ZBTB43: variants seen among roughly 807,000 people sequenced by gnomAD.
ZBTB43 encodes the protein zinc finger and BTB domain containing 43.
Under a neutral mutation model 31.1 loss-of-function variants are expected in ZBTB43, and 6 were observed. The ratio of observed to expected loss-of-function variants is 0.19; its 90% CI spans 0.11 to 0.38. The LOEUF (loss-of-function observed/expected upper bound fraction) is 0.38. ZBTB43 is among the 10% of genes least tolerant of loss of function. The probability of loss-of-function intolerance (pLI) is 1.00; values close to 1 mark genes in which losing one functional copy is unlikely to be tolerated. For missense variants in ZBTB43, 379 were observed against 602.1 expected, an observed-to-expected ratio of 0.63 and a Z score of 3.88; for synonymous variants, 212 against 221.7, an observed-to-expected ratio of 0.96 and a Z score of 0.39.
At chr9:126,823,429 A>AT (rs1250933773) in intron 2 of ZBTB43, among the ~76,000 whole-genome samples, 2 of 152,142 alleles carry the variant, frequency 1.3e-5, no homozygotes, top group Non-Finnish European at 2.9e-5. Context: ...ATCTCAGGCC[A>AT]TTTTTTGTTG....
chr9:126,828,399 G>T (rs1184057754), intron 2 of ZBTB43, among the ~76,000 whole-genome samples: 8 of 151,674 alleles, frequency 5.3e-5, no homozygotes, highest in Non-Finnish European at 7.4e-5. Context: ...TAGCCAGGAT[G>T]GTCTCGATCT....
Position 126,833,453 on chromosome 9 carries a change from T to A in ZBTB43, c.944T>A (p.Val315Glu), listed in dbSNP as rs769550533. The change falls in exon 3 of 3, where the codon GTG becomes GAG. Residue 315 changes from valine (V) to glutamate (E), a missense_variant. By Grantham distance (121) the Val-to-Glu change is moderately radical. Coordinates refer to ENST00000373464, the MANE Select transcript of ZBTB43 (RefSeq NM_014007.4). The surrounding 1 kb of genome is among the most constrained non-coding windows in gnomAD (Gnocchi z 7.9). ...GATGAAAGCAATTATGATGAGCAGG[T>A]GGATTTCTATGGCTCTTCCATGGAA... ...QADESNYDEQ[V>E]DFYGSSMEEF... is the part of the protein sequence containing the mutation. 1 of 1,614,014 alleles carries A rather than the reference T, an allele frequency of 6.2e-7. No homozygotes were observed. The highest frequency in any genetic ancestry group is 8.5e-7 in the Non-Finnish European group (1 of 1,180,004).
chr9:126,819,583 A>G (rs1282205242), intron 2 of ZBTB43, among the ~76,000 whole-genome samples: 2 of 151,444 alleles, frequency 1.3e-5, no homozygotes, highest in Non-Finnish European at 1.5e-5. Context: ...CCATTCCCCC[A>G]TCTTTCCCCC....
chr9:126,810,190 A>G lies in ZBTB43; in HGVS notation c.-24+1275A>G, dbSNP rs144781736. On this transcript the variant is annotated intron_variant, in intron 2 of 2. Transcript: ENST00000373464. ...TGTTTGTTTGTTCATTTGTTTGTTT[A>G]TTTGTTTGTTTGTTTGTTTTTGAGA... Among the ~76,000 whole-genome samples the G allele has an allele frequency of 2.8e-3, 419 of 149,676 alleles. 1 individual carries two copies. The highest frequency in any genetic ancestry group is 4.6e-3 in the African/African-American group (187 of 40,452).
chr9:126,827,274 C>A (rs1342231872), intron 2 of ZBTB43, among the ~76,000 whole-genome samples: 1 of 152,156 alleles, frequency 6.6e-6, no homozygotes, highest in East Asian at 1.9e-4. Context: ...TGGTAGGTGC[C>A]ACCAGGGAAA....
intron 2 of ZBTB43, among the ~76,000 whole-genome samples, chr9:126,817,100 C>CTTTT (rs780632905): frequency 0.028 from 1,554 of 55,352 alleles, 298 homozygotes; most frequent in African/African-American, 0.1. Flanking sequence ...TCCACTGTAT[C>CTTTT]TTTTTTTTTT....
intron 1 of ZBTB43, among the ~76,000 whole-genome samples, chr9:126,808,279 C>T (rs1444517497): frequency 2.0e-5 from 3 of 152,222 alleles, no homozygotes; most frequent in South Asian, 4.1e-4. Flanking sequence ...TTAAGTAAAA[C>T]ATTCAGCCGT....
chr9:126,819,427 CATT>C lies in ZBTB43; in HGVS notation c.-24+10521_-24+10523del, dbSNP rs371927415. Among the ~76,000 whole-genome samples the C allele has an allele frequency of 1.1e-4, 17 of 151,666 alleles. 1 individual carries two copies. Among genetic ancestry groups the C allele is most frequent in the Middle Eastern group, 6.8e-3 (2 of 294 alleles). On this transcript the variant is annotated intron_variant, in intron 2 of 2. Coordinates refer to ENST00000373464, the MANE Select transcript of ZBTB43 (RefSeq NM_014007.4). ...GTTCTTGCAATATTTCAAAACTTTT[CATT>C]ATTATTATATCTGTTATGGTGATCT...
In ZBTB43 at chr9:126,832,713, G is replaced by A. The variant is rs950657336; in HGVS notation, c.204G>A (p.Arg68=). 13 of 1,613,990 alleles carry A rather than the reference G, an allele frequency of 8.1e-6. No individual in the cohort carries two copies. The highest frequency in any genetic ancestry group is 1.3e-5 in the African/African-American group (1 of 74,896). The change falls in exon 3 of 3, where the codon AGG becomes AGA. Residue 68 remains arginine, a synonymous_variant. Coordinates refer to ENST00000373464, the MANE Select transcript of ZBTB43 (RefSeq NM_014007.4). The stretch of plus-strand genomic sequence containing the variant: ...ACCAGGTACTCCTGAAAAACAGCAG[G>A]AGAATTGTTTTGCCTGATGTGATGA... ...FCDQVLLKNS[R]RIVLPDVMNP... is the part of the protein sequence containing the mutation.
intron 2 of ZBTB43, among the ~76,000 whole-genome samples, chr9:126,827,868 C>T (rs1018549977): frequency 6.6e-6 from 1 of 152,028 alleles, no homozygotes; most frequent in Admixed American, 6.6e-5. Flanking sequence ...ACAAAATTAG[C>T]CGGGCATGGT....
rs5900725 is a variant in ZBTB43 at position 126,837,838 on chromosome 9, C to CTT, written c.*3940_*3941dup. ...GCTGGAACACATTTTGCAAATGTGACTTTTTTTTTTTTTTTTAATTTTTGC... is the reference window on the plus strand; with the variant it reads ...GCTGGAACACATTTTGCAAATGTGACTTTTTTTTTTTTTTTTTTAATTTTTGC... On this transcript the variant is annotated 3_prime_UTR_variant, in exon 3 of 3. Transcript: ENST00000373464. 1.2e-4 allele frequency: 17 copies of CTT among 146,462 alleles called. No individual in the cohort carries two copies. The highest frequency in any genetic ancestry group is 4.8e-4 in the East Asian group (2 of 4,136). 9.1% of individuals were successfully genotyped at this position (146,462 alleles called of 1,614,324 possible).
chr9:126,809,705 A>G lies in ZBTB43; in HGVS notation c.-24+790A>G, dbSNP rs539425170. 1.1e-4 allele frequency among the ~76,000 whole-genome samples: 16 copies of G among 152,344 alleles called. 1 individual carries two copies. Among genetic ancestry groups the G allele is most frequent in the Middle Eastern group, 6.8e-3 (2 of 294 alleles). ...GGATTTCTTCAGTATGTTGCCCTTC[A>G]TCTGCGTTAAAAAAAGCCAAATAGC... is the stretch of plus-strand genomic sequence containing the variant. On this transcript the variant is annotated intron_variant, in intron 2 of 2. Transcript: ENST00000373464.
chr9:126,832,717 A>G lies in ZBTB43; in HGVS notation c.208A>G (p.Ile70Val), dbSNP rs2119169978. 1 of 1,614,134 alleles carries G rather than the reference A, an allele frequency of 6.2e-7. No individual in the cohort carries two copies. The highest frequency in any genetic ancestry group is 8.5e-7 in the Non-Finnish European group (1 of 1,180,030). Residue 70 changes from isoleucine to valine, a missense_variant, in exon 3 of 3, where the codon ATT (isoleucine) becomes GTT (valine). Physicochemically the swap from Ile to Val is conservative, Grantham distance 29. This residue lies in a region of ZBTB43 where 79 missense variants were observed against 134.4 expected (regional missense o/e 0.59). Transcript: ENST00000373464. The part of the protein sequence containing the change: ...DQVLLKNSRR[I>V]VLPDVMNPRV... The stretch of plus-strand genomic sequence containing the variant: ...GGTACTCCTGAAAAACAGCAGGAGA[A>G]TTGTTTTGCCTGATGTGATGAACCC...
chr9:126,804,143 A>G (rs149285867), upstream of ZBTB43, among the ~76,000 whole-genome samples: 1 of 152,152 alleles, frequency 6.6e-6, no homozygotes, highest in East Asian at 1.9e-4. Context: ...ACCGCTAAAG[A>G]CCTATCTCTC....
At chr9:126,809,842 C>CTTTTTTTTTTTTTTT (rs565506794) in intron 2 of ZBTB43, among the ~76,000 whole-genome samples, 7 of 147,208 alleles carry the variant, frequency 4.8e-5, no homozygotes, top group African/African-American at 1.7e-4. Context: ...CTGCTGGTAT[C>CTTTTTTTTTTTTTTT]TTTTTTTTTT....
At chr9:126,822,740 G>A (rs1429840242) in intron 2 of ZBTB43, among the ~76,000 whole-genome samples, 1 of 151,940 alleles carries the variant, frequency 6.6e-6, no homozygotes, top group African/African-American at 2.4e-5. Context: ...ACCCTATCTT[G>A]GGAAACAAAA....
At chr9:126,825,842 ATTTTTTTTT>A in intron 2 of ZBTB43, among the ~76,000 whole-genome samples, 1 of 91,206 alleles carries the variant, frequency 1.1e-5, no homozygotes, top group Admixed American at 1.3e-4. Context: ...TCCTTTTTAT[ATTTTTTTTT>A]TTTTTTTTTT....
At chr9:126,822,076 C>T (rs1352868561) in intron 2 of ZBTB43, among the ~76,000 whole-genome samples, 5 of 151,826 alleles carry the variant, frequency 3.3e-5, no homozygotes, top group African/African-American at 1.2e-4. Flanking sequence ...AGGCTGGTCT[C>T]GAACTCCTGA....
At chr9:126,810,460 TG>T (rs2032220780) in intron 2 of ZBTB43, among the ~76,000 whole-genome samples, 2 of 148,424 alleles carry the variant, frequency 1.3e-5, no homozygotes, top group African/African-American at 2.5e-5. Context: ...CCCAAAGTGC[TG>T]GGATTACAGG....
Sources: gnomAD v4.1 joint callset for allele counts (sites outside exome capture counted in the v4.1 genomes callset) on GRCh38, gnomAD v4.1.1 for gene constraint, gnomAD v4.1.1 regional missense constraint, Gnocchi (gnomAD v3.1) non-coding constraint, MANE v1.5 for transcripts, NCBI Gene and HGNC (gene_info 2026-07-23, HGNC 2026-07-21) for gene names.